TAB2: variants seen among roughly 807,000 people sequenced by gnomAD.
TAB2 encodes the protein TGF-beta-activated kinase 1 and MAP3K7-binding protein 2.
In TAB2, 3 loss-of-function variants were observed where a neutral mutation model predicts 65.0. The ratio of observed to expected loss-of-function variants is 0.05; its 90% CI spans 0.02 to 0.12. TAB2 has a LOEUF of 0.12. TAB2 is among the 10% of genes least tolerant of loss of function. The probability of loss-of-function intolerance (pLI) is 1.00; values close to 1 mark genes in which losing one functional copy is unlikely to be tolerated. For missense variants in TAB2, 623 were observed against 840.3 expected (o/e 0.74, Z 3.20); for synonymous variants, 298 against 285.1 (o/e 1.05, Z -0.46).
chr6:149,292,435 A>AAGT (rs1778794172), intron 1 of TAB2, among the ~76,000 whole-genome samples: 1 of 152,174 alleles, frequency 6.6e-6, no homozygotes, highest in Non-Finnish European at 1.5e-5. Context: ...ATTGGCTGTA[A>AAGT]AGTAACAAGT....
At chr6:149,362,381 T>TGGC (rs1780880482) in intron 1 of TAB2, among the ~76,000 whole-genome samples, 1 of 152,120 alleles carries the variant, frequency 6.6e-6, no homozygotes. Context: ...GGATATCACA[T>TGGC]AGAGCGGGTG....
chr6:149,378,290 G>A lies in TAB2; in HGVS notation c.375G>A (p.Glu125=), dbSNP rs116851068. 311 of 1,614,218 alleles carry A rather than the reference G, an allele frequency of 1.9e-4. No homozygotes were observed. In the East Asian group the frequency reaches 5.3e-3, roughly 28 times the overall value. The change falls in exon 3 of 7, where the codon GAG becomes GAA. Residue 125 remains glutamate, a synonymous_variant. Transcript: ENST00000637181. ...CCAATAGTGAACTATTTCAGCAGGA[G>A]CCACAGACAGCACCAGCTCAAGTTC... The part of the protein sequence containing the change: ...GQSNSELFQQ[E]PQTAPAQVPQ...
intron 1 of TAB2, among the ~76,000 whole-genome samples, chr6:149,272,670 C>G (rs2114677119): frequency 6.6e-6 from 1 of 152,320 alleles, no homozygotes; most frequent in East Asian, 1.9e-4. Context: ...ATCACACCCA[C>G]AAAGTCCATT....
intron 1 of TAB2, among the ~76,000 whole-genome samples, chr6:149,242,248 T>C (rs1777613726): frequency 1.3e-5 from 2 of 152,236 alleles, no homozygotes; most frequent in African/African-American, 4.8e-5. Flanking sequence ...CCAACACTCA[T>C]CTTTATCAAG....
intron 1 of TAB2, among the ~76,000 whole-genome samples, chr6:149,265,110 A>G (rs1275059105): frequency 2.0e-5 from 3 of 150,912 alleles, no homozygotes; most frequent in Admixed American, 6.6e-5. Flanking sequence ...AAAAAAAAAG[A>G]GGGAAAGAGG....
chr6:149,260,190 G>A (rs1778122666), intron 1 of TAB2, among the ~76,000 whole-genome samples: 1 of 152,204 alleles, frequency 6.6e-6, no homozygotes, highest in Non-Finnish European at 1.5e-5. Flanking sequence ...AACCGGCTCA[G>A]GCACCACCTC....
intron 1 of TAB2, among the ~76,000 whole-genome samples, chr6:149,282,072 G>A (rs1056420467): frequency 4.6e-5 from 7 of 151,956 alleles, no homozygotes; most frequent in Non-Finnish European, 8.8e-5. Context: ...AGGCTGAGAC[G>A]GAAGAATTGC....
intron 1 of TAB2, among the ~76,000 whole-genome samples, chr6:149,318,307 G>T (rs1350438642): frequency 6.6e-6 from 1 of 151,712 alleles, no homozygotes; most frequent in African/African-American, 2.4e-5. Flanking sequence ...GGAATCGAGC[G>T]CCTAGGAGAG....
chr6:149,254,018 GAAAGAAAA>G (rs1777936202), intron 1 of TAB2, among the ~76,000 whole-genome samples: 1 of 137,268 alleles, frequency 7.3e-6, no homozygotes, highest in African/African-American at 2.7e-5. Flanking sequence ...AAGAAAGAAA[GAAAGAAAA>G]GAAAGAAAGA....
chr6:149,245,551 A>T (rs1436316200), intron 1 of TAB2: 1 of 152,068 alleles, frequency 6.6e-6, no homozygotes, highest in Non-Finnish European at 1.5e-5. Context: ...ACTCATGGTT[A>T]TATAAATTAT....
intron 1 of TAB2, among the ~76,000 whole-genome samples, chr6:149,355,493 C>T (rs916949458): frequency 2.0e-5 from 3 of 151,830 alleles, no homozygotes; most frequent in Non-Finnish European, 4.4e-5. Context: ...TGGAGAAACC[C>T]CCGTCTCTAC....
chr6:149,316,186 T>C (rs1779247451), upstream of TAB2, among the ~76,000 whole-genome samples: 1 of 152,252 alleles, frequency 6.6e-6, no homozygotes, highest in Admixed American at 6.5e-5. Context: ...ATCCTAATTT[T>C]ACTTTTGCTT....
intron 1 of TAB2, among the ~76,000 whole-genome samples, chr6:149,308,498 CTATT>C (rs528507201): frequency 0.014 from 1,913 of 139,382 alleles, 31 homozygotes; most frequent in South Asian, 0.062. Context: ...GTGATATTTT[CTATT>C]TATTTATTTA....
At chr6:149,344,514 A>C (rs867888889) in intron 1 of TAB2, among the ~76,000 whole-genome samples, 6 of 152,174 alleles carry the variant, frequency 3.9e-5, no homozygotes, top group South Asian at 2.1e-4. Context: ...GAAAGTATTT[A>C]ATATATTATA....
chr6:149,380,884 T>C (rs1781583792), intron 3 of TAB2, among the ~76,000 whole-genome samples: 2 of 152,256 alleles, frequency 1.3e-5, no homozygotes, highest in Admixed American at 1.3e-4. Context: ...TTTAAACAGC[T>C]ACACTAGTGA....
chr6:149,375,675 A>T (rs543179109), intron 2 of TAB2, among the ~76,000 whole-genome samples: 9 of 152,318 alleles, frequency 5.9e-5, no homozygotes, highest in Non-Finnish European at 1.5e-5. Context: ...AGAAGAATTT[A>T]CTTGGAATGG....
chr6:149,268,743 A>G (rs1406529634), intron 1 of TAB2, among the ~76,000 whole-genome samples: 1 of 152,190 alleles, frequency 6.6e-6, no homozygotes, highest in Non-Finnish European at 1.5e-5. Context: ...GTATGCATTC[A>G]TTGTGTCTGC....
chr6:149,231,753 G>A (rs1330243025), intron 1 of TAB2, among the ~76,000 whole-genome samples: 1 of 152,144 alleles, frequency 6.6e-6, no homozygotes, highest in East Asian at 1.9e-4. Context: ...TTGACAGTGG[G>A]GAAGACATTT....
chr6:149,369,049 T>A (rs559236470), intron 1 of TAB2, among the ~76,000 whole-genome samples: 1 of 152,242 alleles, frequency 6.6e-6, no homozygotes, highest in South Asian at 2.1e-4. Flanking sequence ...AATAAGAAAT[T>A]AGTTTTAAAG....
Sources: gnomAD v4.1 joint callset for allele counts (sites outside exome capture counted in the v4.1 genomes callset) on GRCh38, gnomAD v4.1.1 for gene constraint, MANE v1.5 for transcripts, NCBI Gene and HGNC (gene_info 2026-07-23, HGNC 2026-07-21) for gene names.